DDC: variants seen among roughly 807,000 people sequenced by gnomAD.
The protein encoded by DDC is aromatic-L-amino-acid decarboxylase.
A neutral mutation model predicts 60.0 loss-of-function variants in DDC; 43 were observed. The ratio of observed to expected loss-of-function variants is 0.72; its 90% CI spans 0.56 to 0.92. The LOEUF (loss-of-function observed/expected upper bound fraction) is 0.92, where lower values mean the gene tolerates loss of function less well. DDC is among the 40% of genes least tolerant of loss of function. The probability of loss-of-function intolerance (pLI) is 0.00; values close to 1 mark genes in which losing one functional copy is unlikely to be tolerated. For synonymous variants in DDC, 232 were observed against 234.6 expected, an observed-to-expected ratio of 0.99 and a Z score of 0.10; for missense variants, 573 against 620.2, an observed-to-expected ratio of 0.92 and a Z score of 0.81.
chr7:50,543,581 C>A, intron 2 of DDC: 1 of 431,056 alleles, frequency 2.3e-6, no homozygotes, highest in Non-Finnish European at 4.3e-6. Context: ...TGAGGACACG[C>A]TCTATGTACC....
rs562077967 is a variant in DDC at position 50,549,190 on chromosome 7, G to A, written c.-28-5077C>T. On this transcript the variant is annotated intron_variant, in intron 1 of 14. Transcript: ENST00000444124. The stretch of plus-strand genomic sequence containing the variant: ...TTAATGTTTTCATTCCTGCTAACTC[G>A]ACATCCATTCTACAGTCCATTGATC... Among the ~76,000 whole-genome samples the A allele has an allele frequency of 1.7e-4, 26 of 152,234 alleles. No homozygotes were observed. In the South Asian group the frequency reaches 2.5e-3, roughly 15 times the overall value.
chr7:50,562,317 T>G (rs4947662), intron 1 of DDC, among the ~76,000 whole-genome samples: 1 of 152,226 alleles, frequency 6.6e-6, no homozygotes, highest in South Asian at 2.1e-4. Context: ...GCAGCAGCCA[T>G]GTGGACAATG....
chr7:50,518,592 C>A (rs756007382), intron 6 of DDC, among the ~76,000 whole-genome samples: 2 of 152,296 alleles, frequency 1.3e-5, no homozygotes, highest in Non-Finnish European at 1.5e-5. Flanking sequence ...CCAATACTTA[C>A]AACCAACTGA....
chr7:50,506,822 A>C lies in DDC; in HGVS notation c.715-2763T>G, dbSNP rs1326967500. On this transcript the variant is annotated intron_variant, in intron 6 of 14. Transcript: ENST00000444124. ...AACGGGCTAACATCTTGCATACCTC[A>C]ATGTTTCTCCTGGTGCTGTCAGCAT... Among the ~76,000 whole-genome samples, 19 of 152,304 alleles carry C rather than the reference A, an allele frequency of 1.2e-4. No homozygotes were observed. The East Asian group carries it at 3.7e-3, about 29-fold the overall frequency.
chr7:50,554,616 C>T (rs746100038), intron 1 of DDC, among the ~76,000 whole-genome samples: 3 of 152,100 alleles, frequency 2.0e-5, no homozygotes, highest in African/African-American at 7.2e-5. Context: ...ACTTAGGTAG[C>T]GCTGACAGAT....
intron 13 of DDC, among the ~76,000 whole-genome samples, chr7:50,463,850 C>G (rs1288707489): frequency 6.6e-6 from 1 of 152,198 alleles, no homozygotes; most frequent in Non-Finnish European, 1.5e-5. Context: ...GCATAACGGT[C>G]AAGCTAGTGC....
chr7:50,504,732 T>TGC (rs2043346337), intron 6 of DDC, among the ~76,000 whole-genome samples: 1 of 152,076 alleles, frequency 6.6e-6, no homozygotes, highest in Non-Finnish European at 1.5e-5. Context: ...CGTGTGTGTG[T>TGC]GCATACACCC....
At chr7:50,492,779 A>G (rs73351272) in intron 9 of DDC, 1 of 1,452,162 alleles carries the variant, frequency 6.9e-7, no homozygotes, top group East Asian at 2.6e-5. Flanking sequence ...ATTTCCCCTC[A>G]CAGGCTGGTG....
At chr7:50,466,970 T>A (rs1006996064) in intron 13 of DDC, among the ~76,000 whole-genome samples, 1 of 152,226 alleles carries the variant, frequency 6.6e-6, no homozygotes, top group African/African-American at 2.4e-5. Context: ...GTAAAGATTC[T>A]GCGGCCAATA....
At chr7:50,492,764 G>C in intron 9 of DDC, 1 of 1,443,314 alleles carries the variant, frequency 6.9e-7, no homozygotes, top group South Asian at 1.4e-5. Context: ...CCTCCACTTT[G>C]TCAAATTTCC....
rs574065859 is a variant in DDC at position 50,563,077 on chromosome 7, G to C, written c.-29+2208C>G. Among the ~76,000 whole-genome samples the C allele has an allele frequency of 4.7e-5, 7 of 150,254 alleles. No individual in the cohort carries two copies. In the East Asian group the frequency reaches 7.9e-4, roughly 17 times the overall value. On this transcript the variant is annotated intron_variant, in intron 1 of 14. Coordinates refer to ENST00000444124, the MANE Select transcript of DDC (RefSeq NM_001082971.2). ...AGCTACTCAGGAGGCTGAGGCAGGA[G>C]AACTGCTTGAACTTGAGAGGTGGAA...
intron 7 of DDC, among the ~76,000 whole-genome samples, chr7:50,502,242 C>A (rs1394016017): frequency 6.6e-6 from 1 of 152,150 alleles, no homozygotes; most frequent in African/African-American, 2.4e-5. Context: ...CAGCCTCCAG[C>A]CTCTACAAAG....
At chr7:50,502,998 C>A (rs906202739) in intron 7 of DDC, among the ~76,000 whole-genome samples, 2 of 152,216 alleles carry the variant, frequency 1.3e-5, no homozygotes, top group African/African-American at 2.4e-5. Context: ...CCGGCCTTCC[C>A]CAGCTGCTGA....
chr7:50,490,310 A>T (rs2042971603), intron 9 of DDC, among the ~76,000 whole-genome samples: 1 of 152,140 alleles, frequency 6.6e-6, no homozygotes, highest in Non-Finnish European at 1.5e-5. Context: ...AAATAGAAAA[A>T]TTCAACCAAT....
chr7:50,476,424 C>T (rs2042644687), intron 11 of DDC, among the ~76,000 whole-genome samples, 200 bp downstream of exon 11: 1 of 152,230 alleles, frequency 6.6e-6, no homozygotes, highest in African/African-American at 2.4e-5. Flanking sequence ...CCCTCCTAAC[C>T]TGAGACCTCT....
intron 6 of DDC, among the ~76,000 whole-genome samples, chr7:50,518,147 G>A (rs571028475): frequency 4.6e-5 from 7 of 151,590 alleles, no homozygotes; most frequent in African/African-American, 1.7e-4. Flanking sequence ...GAAATGTGAA[G>A]GTTGCAGTGA....
intron 6 of DDC, among the ~76,000 whole-genome samples, chr7:50,509,931 A>T (rs2043502295): frequency 6.6e-6 from 1 of 152,226 alleles, no homozygotes; most frequent in Admixed American, 6.5e-5. Flanking sequence ...TCTGATAAGT[A>T]AATTTTCTCA....
At chr7:50,468,434 T>C (rs1449979334) in intron 12 of DDC, among the ~76,000 whole-genome samples, 2 of 152,150 alleles carry the variant, frequency 1.3e-5, no homozygotes, top group Non-Finnish European at 2.9e-5. Context: ...TGGCTTTCTT[T>C]CCCCAAAAAA....
chr7:50,531,969 GC>G (rs2044228842), intron 4 of DDC: 1 of 152,136 alleles, frequency 6.6e-6, no homozygotes, highest in Non-Finnish European at 1.5e-5. Context: ...TTTTTTCGAA[GC>G]AAAAAATTGT....
Sources: gnomAD v4.1 joint callset for allele counts (sites outside exome capture counted in the v4.1 genomes callset) on GRCh38, gnomAD v4.1.1 for gene constraint, MANE v1.5 for transcripts, NCBI Gene and HGNC (gene_info 2026-07-23, HGNC 2026-07-21) for gene names.